The following SH3RF3 variants were observed in gnomAD, a reference collection of about 807,000 sequenced individuals.
SH3RF3 encodes the protein E3 ubiquitin-protein ligase SH3RF3.
SH3RF3 carries 29 observed loss-of-function variants against 66.3 expected under a neutral mutation model. The ratio of observed to expected loss-of-function variants is 0.44; its 90% CI spans 0.33 to 0.60. SH3RF3 has a LOEUF of 0.60. Among genes scored for constraint, SH3RF3 ranks in the 20% least tolerant of loss-of-function variants. SH3RF3 has a pLI of 0.04. For synonymous variants in SH3RF3, 583 were observed against 532.0 expected (o/e 1.10, Z -1.32); for missense variants, 1,194 against 1,190.9 (o/e 1.00, Z -0.04).
chr2:109,376,494 G>A (rs1003619355), intron 3 of SH3RF3, among the ~76,000 whole-genome samples: 10 of 152,152 alleles, frequency 6.6e-5, no homozygotes, highest in Admixed American at 4.6e-4. Flanking sequence ...TCTCGTCTGC[G>A]AGGAAAACCT....
At chr2:109,193,366 T>C (rs1010645268) in intron 1 of SH3RF3, among the ~76,000 whole-genome samples, 21 of 152,236 alleles carry the variant, frequency 1.4e-4, no homozygotes, top group African/African-American at 5.1e-4. Context: ...ATTCAACATA[T>C]AATGTGTAGC....
intron 1 of SH3RF3, among the ~76,000 whole-genome samples, chr2:109,325,336 T>A (rs1013654389): frequency 9.7e-6 from 1 of 102,580 alleles, no homozygotes; most frequent in Admixed American, 1.1e-4. Context: ...TCTTTCTTTT[T>A]TTTTTTTTTT....
In SH3RF3 at chr2:109,369,926, T is replaced by C. The variant is rs1458667641; in HGVS notation, c.850-1660T>C. Among the ~76,000 whole-genome samples, 3 of 152,200 alleles carry C rather than the reference T, an allele frequency of 2.0e-5. No individual in the cohort carries two copies. The East Asian group carries it at 5.8e-4, about 29-fold the overall frequency. On this transcript the variant is annotated intron_variant, in intron 2 of 9. Transcript: ENST00000309415. Reference sequence around the variant, plus strand: ...TTGTGTTACAGCATCAGAGGCTCCTTGGAAAGGCGGGTGGTGCACTCAGCT... The same window carrying C: ...TTGTGTTACAGCATCAGAGGCTCCTCGGAAAGGCGGGTGGTGCACTCAGCT...
At chr2:109,375,365 C>T (rs999674941) in intron 3 of SH3RF3, among the ~76,000 whole-genome samples, 6 of 152,228 alleles carry the variant, frequency 3.9e-5, no homozygotes, top group African/African-American at 7.2e-5. Context: ...CTCCCTGACA[C>T]CTGTTCATCA....
At chr2:109,313,063 C>T (rs903395265) in intron 1 of SH3RF3, among the ~76,000 whole-genome samples, 5 of 152,180 alleles carry the variant, frequency 3.3e-5, no homozygotes, top group Non-Finnish European at 5.9e-5. Context: ...GACAGGGAAC[C>T]CATGCAATCC....
At chr2:109,331,377 T>TCC in intron 1 of SH3RF3, among the ~76,000 whole-genome samples, 1 of 152,158 alleles carries the variant, frequency 6.6e-6, no homozygotes, top group Non-Finnish European at 1.5e-5. Context: ...CTTCTCTCTC[T>TCC]CCCCTTGTTT....
At chr2:109,401,261 C>G (rs1356258862) in intron 4 of SH3RF3, among the ~76,000 whole-genome samples, 1 of 152,168 alleles carries the variant, frequency 6.6e-6, no homozygotes, top group East Asian at 1.9e-4. Flanking sequence ...TGTGAACAGT[C>G]GAAAGTTGTG....
intron 4 of SH3RF3, among the ~76,000 whole-genome samples, chr2:109,401,300 G>T (rs1254175198): frequency 1.3e-5 from 2 of 152,232 alleles, no homozygotes; most frequent in Middle Eastern, 3.2e-3. Flanking sequence ...TCAAAGGGAA[G>T]TTGCAGCAGG....
intron 1 of SH3RF3, among the ~76,000 whole-genome samples, chr2:109,180,981 G>A (rs1226699965): frequency 6.6e-6 from 1 of 152,202 alleles, no homozygotes; most frequent in African/African-American, 2.4e-5. Context: ...AGCTTCCTCA[G>A]ATTGATAACA....
chr2:109,474,969 T>TTTG (rs1559103251), intron 8 of SH3RF3, among the ~76,000 whole-genome samples: 2 of 151,930 alleles, frequency 1.3e-5, no homozygotes, highest in Non-Finnish European at 2.9e-5. Flanking sequence ...TTTGGGTTTT[T>TTTG]TTTGTTTGTT....
chr2:109,480,926 G>A (rs1559106362), intron 8 of SH3RF3, among the ~76,000 whole-genome samples: 1 of 152,200 alleles, frequency 6.6e-6, no homozygotes, highest in Non-Finnish European at 1.5e-5. Context: ...AGAAGAAGCG[G>A]CAGATAAAAG....
At chr2:109,452,118 G>A (rs1275841547) in intron 8 of SH3RF3, among the ~76,000 whole-genome samples, 1 of 152,172 alleles carries the variant, frequency 6.6e-6, no homozygotes, top group African/African-American at 2.4e-5. Context: ...CTAATTTGCA[G>A]CAGGGCCCAA....
chr2:109,425,713 T>C (rs987946661), intron 5 of SH3RF3, among the ~76,000 whole-genome samples: 1 of 151,870 alleles, frequency 6.6e-6, no homozygotes, highest in Non-Finnish European at 1.5e-5. Context: ...AAAAGATTCC[T>C]TTTAAAATAT....
intron 1 of SH3RF3, among the ~76,000 whole-genome samples, chr2:109,341,878 T>G (rs1252811815): frequency 6.6e-6 from 1 of 152,212 alleles, no homozygotes; most frequent in Non-Finnish European, 1.5e-5. Context: ...AAATGAAGGC[T>G]TCTGCTGGAA....
intron 1 of SH3RF3, among the ~76,000 whole-genome samples, chr2:109,337,258 C>A (rs1265756428): frequency 6.6e-6 from 1 of 152,104 alleles, no homozygotes; most frequent in Non-Finnish European, 1.5e-5. Flanking sequence ...AGAGCTTGGG[C>A]TCCCTTGGTC....
rs192298665 is a variant in SH3RF3 at position 109,351,224 on chromosome 2, G to A, written c.849+3275G>A. On this transcript the variant is annotated intron_variant, in intron 2 of 9. Coordinates refer to ENST00000309415, the MANE Select transcript of SH3RF3 (RefSeq NM_001099289.3). ...GCTGGTTTCTGAGGAGCCTCCACACGTGCTGGGCCAGTCACCCGGGAGGGG... is the reference window on the plus strand; with the variant it reads ...GCTGGTTTCTGAGGAGCCTCCACACATGCTGGGCCAGTCACCCGGGAGGGG... 1.8e-3 allele frequency among the ~76,000 whole-genome samples: 279 copies of A among 152,350 alleles called. 2 individuals are homozygous for A. Among genetic ancestry groups the A allele is most frequent in the South Asian group, 0.015 (72 of 4,830 alleles).
chr2:109,294,084 A>G (rs1029497599), intron 1 of SH3RF3, among the ~76,000 whole-genome samples: 1 of 152,134 alleles, frequency 6.6e-6, no homozygotes, highest in Non-Finnish European at 1.5e-5. Flanking sequence ...TCTGACATGT[A>G]AGATGGAGCT....
At chr2:109,353,987 C>G (rs1244300098) in intron 2 of SH3RF3, among the ~76,000 whole-genome samples, 3 of 152,122 alleles carry the variant, frequency 2.0e-5, no homozygotes, top group Admixed American at 6.5e-5. Flanking sequence ...CAGAGCCCCC[C>G]GAAGTCTCAG....
intron 1 of SH3RF3, among the ~76,000 whole-genome samples, chr2:109,319,823 CT>C (rs1342123459): frequency 6.6e-6 from 1 of 152,218 alleles, no homozygotes; most frequent in African/African-American, 2.4e-5. Flanking sequence ...ACAAAGGCAC[CT>C]CTGTCCCCTT....
Sources: gnomAD v4.1 joint callset for allele counts (sites outside exome capture counted in the v4.1 genomes callset) on GRCh38, gnomAD v4.1.1 for gene constraint, MANE v1.5 for transcripts, NCBI Gene and HGNC (gene_info 2026-07-23, HGNC 2026-07-21) for gene names.